The following MBNL1 variants were observed in gnomAD, a reference collection of about 807,000 sequenced individuals.
The protein encoded by MBNL1 is muscleblind like splicing regulator 1.
Under a neutral mutation model 42.2 loss-of-function variants are expected in MBNL1, and 8 were observed. That is an observed-to-expected ratio of 0.19 (90% confidence interval 0.11 to 0.34). MBNL1 has a LOEUF of 0.34. Among genes scored for constraint, MBNL1 ranks in the 10% least tolerant of loss-of-function variants. The pLI, the probability that MBNL1 is intolerant of heterozygous loss-of-function variation, is 1.00. For missense variants in MBNL1, 309 were observed against 495.3 expected (o/e 0.62, Z 3.57); for synonymous variants, 169 against 173.9 (o/e 0.97, Z 0.22).
intron 2 of MBNL1, among the ~76,000 whole-genome samples, chr3:152,401,600 A>G (rs2098221538): frequency 6.6e-6 from 1 of 152,252 alleles, no homozygotes; most frequent in Non-Finnish European, 1.5e-5. Context: ...GTACCTGCAT[A>G]AGGTCATGTA....
chr3:152,343,551 A>C (rs1185703135), intron 2 of MBNL1, among the ~76,000 whole-genome samples: 2 of 152,158 alleles, frequency 1.3e-5, no homozygotes, highest in African/African-American at 4.8e-5. Flanking sequence ...AAGATCCAGA[A>C]ACGGTACAGA....
At chr3:152,341,472 T>C (rs1376991915) in intron 2 of MBNL1, among the ~76,000 whole-genome samples, 3 of 152,214 alleles carry the variant, frequency 2.0e-5, no homozygotes, top group Admixed American at 6.5e-5. Context: ...GTATTAGAAG[T>C]GAGTGTTAAT....
At chr3:152,324,365 G>A (rs2078211243) in intron 2 of MBNL1, among the ~76,000 whole-genome samples, 1 of 152,044 alleles carries the variant, frequency 6.6e-6, no homozygotes, top group South Asian at 2.1e-4. Flanking sequence ...TGATTTACTT[G>A]TTATCTTCCT....
intron 2 of MBNL1, among the ~76,000 whole-genome samples, chr3:152,393,925 T>A (rs1398654947): frequency 6.6e-6 from 1 of 152,174 alleles, no homozygotes; most frequent in African/African-American, 2.4e-5. Flanking sequence ...TTTTAAATAA[T>A]TTTTTCTGAG....
At chr3:152,268,880 C>A, upstream of MBNL1, 1 of 453,850 alleles carries the variant, frequency 2.2e-6, no homozygotes, top group Non-Finnish European at 4.4e-6. Flanking sequence ...CGCGCAGCAG[C>A]AGCGGAAGCC....
intron 2 of MBNL1, among the ~76,000 whole-genome samples, chr3:152,300,620 T>C (rs539999453): frequency 1.3e-5 from 2 of 152,340 alleles, no homozygotes; most frequent in African/African-American, 4.8e-5. Flanking sequence ...TGACATATTT[T>C]TCACTTAGTA....
chr3:152,363,615 G>T (rs187205085), intron 2 of MBNL1, among the ~76,000 whole-genome samples: 1 of 152,110 alleles, frequency 6.6e-6, no homozygotes, highest in Non-Finnish European at 1.5e-5. Flanking sequence ...AATGCTGAGC[G>T]TATGCCAGGC....
At chr3:152,449,897 G>A (rs11929341) in intron 6 of MBNL1, among the ~76,000 whole-genome samples, 10,974 of 152,112 alleles carry the variant, frequency 0.072, 515 homozygotes, top group Middle Eastern at 0.16. Context: ...TTGAGGTCAG[G>A]AGTTTGAGGC....
Position 152,447,971 on chromosome 3 carries a change from A to G in MBNL1, c.961+198A>G, listed in dbSNP as rs1281868389. Among the ~76,000 whole-genome samples, 8 of 152,254 alleles carry G rather than the reference A, an allele frequency of 5.3e-5. No individual in the cohort carries two copies. The East Asian group carries it at 1.3e-3, about 26-fold the overall frequency. On this transcript the variant is annotated intron_variant, in intron 6 of 9. Transcript: ENST00000324210. Reference sequence around the variant, plus strand: ...AGGATTGTAGCTTAATGAAATGTGGATTAAAGATCAGTGGTATTTTATATA... The same window carrying G: ...AGGATTGTAGCTTAATGAAATGTGGGTTAAAGATCAGTGGTATTTTATATA...
At chr3:152,268,579 C>G (rs1399785375), upstream of MBNL1, 1 of 352,186 alleles carries the variant, frequency 2.8e-6, no homozygotes, top group African/African-American at 2.2e-5. Flanking sequence ...GCACGCCCGC[C>G]GCGAGGTTAC....
chr3:152,312,218 G>A (rs1478659636), intron 2 of MBNL1, among the ~76,000 whole-genome samples: 1 of 148,396 alleles, frequency 6.7e-6, no homozygotes, highest in Admixed American at 6.7e-5. Flanking sequence ...AAAAAGAGAT[G>A]TATCTCAAAT....
chr3:152,351,294 A>T (rs1193154235), intron 2 of MBNL1, among the ~76,000 whole-genome samples: 1 of 152,164 alleles, frequency 6.6e-6, no homozygotes, highest in Non-Finnish European at 1.5e-5. Flanking sequence ...AACAAATGAG[A>T]TTTCATTATG....
intron 2 of MBNL1, among the ~76,000 whole-genome samples, chr3:152,250,031 A>G (rs62272728): frequency 0.31 from 46,094 of 149,438 alleles, 8,738 homozygotes; most frequent in Non-Finnish European, 0.43. Flanking sequence ...GCCTTGTAGT[A>G]TAGTTTGAAG....
At chr3:152,433,843 A>T (rs2099042360) in intron 4 of MBNL1, among the ~76,000 whole-genome samples, 1 of 152,212 alleles carries the variant, frequency 6.6e-6, no homozygotes, top group South Asian at 2.1e-4. Context: ...TACATGAAAA[A>T]GATATTAAAG....
chr3:152,445,663 A>G, intron 5 of MBNL1, 124 bp downstream of exon 5: 1 of 987,800 alleles, frequency 1.0e-6, no homozygotes, highest in Non-Finnish European at 1.5e-6. Flanking sequence ...ATGTTTGTTC[A>G]GGTATCCCAG....
intron 1 of MBNL1, among the ~76,000 whole-genome samples, chr3:152,289,289 TA>T (rs1237265824): frequency 1.3e-5 from 2 of 152,122 alleles, no homozygotes; most frequent in African/African-American, 4.8e-5. Context: ...TGTTAAAAAG[TA>T]ATTATATTGA....
intron 3 of MBNL1, among the ~76,000 whole-genome samples, chr3:152,426,932 A>G (rs1017273685): frequency 1.3e-5 from 2 of 152,246 alleles, no homozygotes; most frequent in Non-Finnish European, 2.9e-5. Flanking sequence ...ATTCAGATGC[A>G]GAATGCTTTG....
At chr3:152,329,788 T>G (rs956792817) in intron 2 of MBNL1, among the ~76,000 whole-genome samples, 25 of 149,434 alleles carry the variant, frequency 1.7e-4, no homozygotes, top group Non-Finnish European at 4.4e-5. Context: ...AAAGTTCTTT[T>G]ACTTTCAAGT....
chr3:152,417,444 A>T (rs2098720724), intron 3 of MBNL1, among the ~76,000 whole-genome samples: 1 of 152,200 alleles, frequency 6.6e-6, no homozygotes, highest in African/African-American at 2.4e-5. Flanking sequence ...ATCAAAGAAG[A>T]TAAATACTAT....
Sources: gnomAD v4.1 joint callset for allele counts (sites outside exome capture counted in the v4.1 genomes callset) on GRCh38, gnomAD v4.1.1 for gene constraint, MANE v1.5 for transcripts, NCBI Gene and HGNC (gene_info 2026-07-23, HGNC 2026-07-21) for gene names.